Variants in RALGPS1 observed in about 807,000 individuals in gnomAD.
The protein encoded by RALGPS1 is Ral GEF with PH domain and SH3 binding motif 1, also known as ras-specific guanine nucleotide-releasing factor RalGPS1.
Under a neutral mutation model 78.8 loss-of-function variants are expected in RALGPS1, and 19 were observed. The ratio of observed to expected loss-of-function variants is 0.24; its 90% CI spans 0.17 to 0.35. RALGPS1 has a LOEUF of 0.35. Ranked by LOEUF, RALGPS1 falls within the 10% of genes least tolerant of loss-of-function variation. The pLI is 1.00. For missense variants in RALGPS1, 454 were observed against 688.3 expected, an observed-to-expected ratio of 0.66 and a Z score of 3.81; for synonymous variants, 228 against 256.3, an observed-to-expected ratio of 0.89 and a Z score of 1.06.
At chr9:126,919,136 C>T (rs1187131008) in intron 1 of RALGPS1, among the ~76,000 whole-genome samples, 1 of 152,164 alleles carries the variant, frequency 6.6e-6, no homozygotes, top group Non-Finnish European at 1.5e-5. Context: ...TATACATACT[C>T]ATTGGTGCTT....
intron 11 of RALGPS1, among the ~76,000 whole-genome samples, chr9:127,187,732 C>G (rs1414703650): frequency 3.3e-5 from 5 of 152,204 alleles, no homozygotes; most frequent in Non-Finnish European, 7.3e-5. Context: ...AGGCAAGATC[C>G]ACCCTCTACA....
intron 8 of RALGPS1, among the ~76,000 whole-genome samples, chr9:127,158,212 A>T (rs910482416): frequency 6.6e-6 from 1 of 152,118 alleles, no homozygotes; most frequent in Non-Finnish European, 1.5e-5. Flanking sequence ...CTTAAAAATC[A>T]TCTAGATATT....
chr9:126,954,355 T>C (rs2038147317), intron 1 of RALGPS1, among the ~76,000 whole-genome samples: 1 of 152,204 alleles, frequency 6.6e-6, no homozygotes, highest in Non-Finnish European at 1.5e-5. Context: ...TCCCCACGAA[T>C]CCAAGCTGCT....
chr9:127,118,725 T>C (rs1325939882), intron 8 of RALGPS1, among the ~76,000 whole-genome samples: 1 of 152,244 alleles, frequency 6.6e-6, no homozygotes, highest in African/African-American at 2.4e-5. Context: ...TGCCCAGTCC[T>C]GCTGGGCTGT....
chr9:127,021,792 C>G (rs1460747007), intron 4 of RALGPS1, among the ~76,000 whole-genome samples: 1 of 152,124 alleles, frequency 6.6e-6, no homozygotes, highest in Admixed American at 6.5e-5. Context: ...GTGAGCAGAG[C>G]TGCTGGCGGC....
intron 5 of RALGPS1, among the ~76,000 whole-genome samples, chr9:127,045,392 G>A (rs1212274949): frequency 2.6e-5 from 4 of 152,162 alleles, no homozygotes; most frequent in African/African-American, 9.7e-5. Flanking sequence ...AAAGACAAAG[G>A]AACTGTATAT....
chr9:126,977,204 A>G (rs1359276129), intron 3 of RALGPS1, among the ~76,000 whole-genome samples: 4 of 152,200 alleles, frequency 2.6e-5, no homozygotes, highest in Non-Finnish European at 5.9e-5. Context: ...ACTCTACCAT[A>G]TAATTTAGGG....
intron 1 of RALGPS1, among the ~76,000 whole-genome samples, chr9:126,921,991 G>C (rs1367465474): frequency 6.6e-6 from 1 of 152,190 alleles, no homozygotes; most frequent in East Asian, 1.9e-4. Context: ...TGGTGATGGG[G>C]GGCTGGGAAG....
chr9:127,137,990 G>A (rs2057517525), intron 8 of RALGPS1, among the ~76,000 whole-genome samples: 1 of 152,200 alleles, frequency 6.6e-6, no homozygotes, highest in South Asian at 2.1e-4. Flanking sequence ...TATGATTAGA[G>A]TCCTTCAAGT....
intron 8 of RALGPS1, among the ~76,000 whole-genome samples, chr9:127,126,418 T>C (rs1415174553): frequency 6.6e-6 from 1 of 152,212 alleles, no homozygotes; most frequent in South Asian, 2.1e-4. Flanking sequence ...TTTACTAAAT[T>C]TGGGGATATG....
At chr9:126,942,832 C>T (rs2036909094) in intron 1 of RALGPS1, among the ~76,000 whole-genome samples, 1 of 152,020 alleles carries the variant, frequency 6.6e-6, no homozygotes, top group Non-Finnish European at 1.5e-5. Flanking sequence ...AAATGTCTCT[C>T]CTTTGATTTA....
intron 14 of RALGPS1, among the ~76,000 whole-genome samples, chr9:127,201,250 G>T (rs1319953974): frequency 6.6e-6 from 1 of 152,214 alleles, no homozygotes; most frequent in Non-Finnish European, 1.5e-5. Flanking sequence ...GCAGATGCCC[G>T]GCTCTGCCTC....
intron 8 of RALGPS1, among the ~76,000 whole-genome samples, chr9:127,076,818 C>T (rs114518979): frequency 1.3e-3 from 192 of 152,210 alleles, no homozygotes; most frequent in African/African-American, 4.5e-3. Context: ...CCAAGGGGGC[C>T]CCAGCTAGTC....
chr9:127,073,458 GTGTGTGTC>G (rs61125345), intron 8 of RALGPS1, among the ~76,000 whole-genome samples: 3,577 of 145,574 alleles, frequency 0.025, 158 homozygotes, highest in African/African-American at 0.09. Context: ...GTGTGTGTGT[GTGTGTGTC>G]TGTGTGTGTG....
intron 1 of RALGPS1, among the ~76,000 whole-genome samples, chr9:126,961,390 A>G (rs542757874): frequency 1.3e-5 from 2 of 152,356 alleles, no homozygotes; most frequent in African/African-American, 4.8e-5. Flanking sequence ...ATGTATGCCA[A>G]GCATGGCATA....
At chr9:127,164,797 C>A (rs1302291736) in intron 8 of RALGPS1, among the ~76,000 whole-genome samples, 1 of 152,130 alleles carries the variant, frequency 6.6e-6, no homozygotes, top group Non-Finnish European at 1.5e-5. Flanking sequence ...ACCTCGGCCT[C>A]CCAAAGTGGT....
intron 8 of RALGPS1, among the ~76,000 whole-genome samples, chr9:127,153,860 C>T (rs951394641): frequency 6.6e-6 from 1 of 152,142 alleles, no homozygotes; most frequent in Non-Finnish European, 1.5e-5. Context: ...AACCAGTGCA[C>T]CAATTGGTGC....
intron 4 of RALGPS1, among the ~76,000 whole-genome samples, chr9:127,009,800 G>A (rs1276154655): frequency 6.6e-6 from 1 of 152,162 alleles, no homozygotes; most frequent in African/African-American, 2.4e-5. Flanking sequence ...ATAGAGTACT[G>A]TCTTAGCCTC....
chr9:126,969,296 C>T (rs576353101), intron 3 of RALGPS1, among the ~76,000 whole-genome samples: 1 of 152,342 alleles, frequency 6.6e-6, no homozygotes, highest in South Asian at 2.1e-4. Context: ...TGGCTATTCA[C>T]AGGTGCAATT....
Sources: gnomAD v4.1 joint callset for allele counts (sites outside exome capture counted in the v4.1 genomes callset) on GRCh38, gnomAD v4.1.1 for gene constraint, MANE v1.5 for transcripts, NCBI Gene and HGNC (gene_info 2026-07-23, HGNC 2026-07-21) for gene names.